Variants in IP6K3 observed in about 807,000 individuals in gnomAD.
IP6K3 encodes inositol hexakisphosphate kinase 3, also known as ATP:1D-myo-inositol-hexakisphosphate phosphotransferase.
In IP6K3, 20 loss-of-function variants were observed where a neutral mutation model predicts 28.8. The observed-to-expected ratio is 0.70, with a 90% CI of 0.49 to 1.01. The LOEUF (loss-of-function observed/expected upper bound fraction) is 1.01, where lower values mean the gene tolerates loss of function less well. Ranked by LOEUF, IP6K3 falls within the 50% of genes least tolerant of loss-of-function variation. IP6K3 has a pLI of 0.00. For missense variants in IP6K3, 480 were observed against 537.1 expected (o/e 0.89, Z 1.05); for synonymous variants, 213 against 221.3 (o/e 0.96, Z 0.33).
At chr6:33,733,405 C>A (rs1766386005) in intron 2 of IP6K3, among the ~76,000 whole-genome samples, 1 of 152,120 alleles carries the variant, frequency 6.6e-6, no homozygotes, top group Admixed American at 6.5e-5. Context: ...TGGCTCATGG[C>A]CGTTGCAGAT....
At chr6:33,761,016 G>A in the IP6K3 span, among the ~76,000 whole-genome samples, 1 of 150,698 alleles carries the variant, frequency 6.6e-6, no homozygotes, top group Non-Finnish European at 1.5e-5. Context: ...TTTTAAAAAG[G>A]ACAAAGTGTT....
In IP6K3 at chr6:33,728,092, C is replaced by T. The variant is rs1698280653; in HGVS notation, c.408G>A (p.Lys136=). 1 of 1,603,682 alleles carries T rather than the reference C, an allele frequency of 6.2e-7. No homozygotes were observed. ...ATCCTGCCCAGTGCCCTCACCTCTC[C>T]TTGGGTGAGCGTGCCAGCTGGGCAT... ...WPHAQLARSP[K]ESPAKALLRS... The change falls in exon 3 of 6, where the codon AAG becomes AAA. Residue 136 remains lysine (K), a synonymous_variant. Coordinates refer to ENST00000293756, the MANE Select transcript of IP6K3 (RefSeq NM_054111.5).
At chr6:33,733,568 A>G (rs1766396351) in intron 2 of IP6K3, among the ~76,000 whole-genome samples, 1 of 152,254 alleles carries the variant, frequency 6.6e-6, no homozygotes, top group African/African-American at 2.4e-5. Flanking sequence ...CGCCCCACAC[A>G]TGATCCTGCC....
Position 33,735,445 on chromosome 6 carries a change from TC to T in IP6K3, c.31del (p.Asp11ThrfsTer2). On this transcript the variant is annotated frameshift_variant, in exon 2 of 6. Coordinates refer to ENST00000293756, the MANE Select transcript of IP6K3 (RefSeq NM_054111.5). LOFTEE classifies it high-confidence loss of function. Reference protein sequence around the residue: MVVQNSADAGDMRAGVQLEPF... With the variant: MVVQNSADAGXMRAGVQLEPF... ...CTCCAGCTGCACGCCTGCCCTCATG[TC>T]CCCGGCGTCTGCGCTGTTTTGCACA... 6.2e-7 allele frequency: 1 copy of T among 1,611,294 alleles called. No homozygotes were observed. Among genetic ancestry groups the T allele is most frequent in the Middle Eastern group, 1.7e-4 (1 of 6,048 alleles).
At chr6:33,741,822 G>A (rs531570621) in intron 1 of IP6K3, among the ~76,000 whole-genome samples, 3 of 142,742 alleles carry the variant, frequency 2.1e-5, no homozygotes, top group Non-Finnish European at 3.1e-5. Context: ...GTGGTGACAC[G>A]TGCCTGTAAT....
intron 2 of IP6K3, among the ~76,000 whole-genome samples, chr6:33,731,911 T>C (rs1766334767): frequency 6.6e-6 from 1 of 152,040 alleles, no homozygotes. Flanking sequence ...GCCCTCCCCA[T>C]GCATCTCAAC....
intron 4 of IP6K3, among the ~76,000 whole-genome samples, chr6:33,726,253 T>C (rs1276138956): frequency 2.0e-5 from 3 of 152,140 alleles, no homozygotes. Flanking sequence ...GGTGCTCCAC[T>C]AAGGGAGGAG....
At position 33,741,312 on chromosome 6, in the gene IP6K3, C is replaced by T. The variant is rs564672759; in HGVS notation, c.-180+5446G>A. On this transcript the variant is annotated intron_variant, in intron 1 of 5. Coordinates refer to ENST00000293756, the MANE Select transcript of IP6K3 (RefSeq NM_054111.5). ...CCATCCTGCCTGATGCACTAACTCA[C>T]AGCCAGGCACCCAGTATGGAGCTCT... 3.4e-4 allele frequency among the ~76,000 whole-genome samples: 52 copies of T among 152,338 alleles called. No individual in the cohort carries two copies. In the South Asian group the frequency reaches 0.01, roughly 30 times the overall value.
In IP6K3 at chr6:33,721,956, C is replaced by T. The variant is rs1765915262; in HGVS notation, c.*764G>A. On this transcript the variant is annotated 3_prime_UTR_variant, in exon 6 of 6. Transcript: ENST00000293756. The stretch of plus-strand genomic sequence containing the variant: ...GGTCCCTTTTTATGTGCGTTCACCC[C>T]CACTGCAAGCCGCGTCTCATGGTCA... 6.6e-6 allele frequency: 1 copy of T among 152,400 alleles called. No homozygotes were observed. Among genetic ancestry groups the T allele is most frequent in the Non-Finnish European group, 1.5e-5 (1 of 68,034 alleles). The allele number at this position is 152,400 out of a possible 1,614,324, so 9.4% of individuals were successfully genotyped here. A position where few individuals can be genotyped will look rare whatever the true frequency, so the allele number is the denominator to read the frequency against.
upstream of IP6K3, among the ~76,000 whole-genome samples, chr6:33,748,585 G>A (rs4621628): frequency 7.6e-6 from 1 of 132,186 alleles, no homozygotes; most frequent in Non-Finnish European, 1.5e-5. Flanking sequence ...GCTGTGGTAA[G>A]CCATAATTGA....
Position 33,746,317 on chromosome 6 carries a change from G to C in IP6K3, c.-180+441C>G, listed in dbSNP as rs73743334. ...TGGGGCTGCTGGGCTAGGACATGCT[G>C]TTCCTGTGCCCAGGGGATGCTGCCC... On this transcript the variant is annotated intron_variant, in intron 1 of 5. Coordinates refer to ENST00000293756, the MANE Select transcript of IP6K3 (RefSeq NM_054111.5). The surrounding 1 kb of genome is among the most constrained non-coding windows in gnomAD (Gnocchi z 6.5). Among the ~76,000 whole-genome samples the C allele has an allele frequency of 0.11, 16,457 of 152,174 alleles. 1,158 individuals carry two copies. The highest frequency in any genetic ancestry group is 0.19 in the African/African-American group (8,041 of 41,488).
intron 1 of IP6K3, among the ~76,000 whole-genome samples, chr6:33,740,593 C>G (rs1766683520): frequency 6.6e-6 from 1 of 152,214 alleles, no homozygotes; most frequent in African/African-American, 2.4e-5. Context: ...AGTGGAGACA[C>G]AGGACAATAC....
intron 4 of IP6K3, among the ~76,000 whole-genome samples, chr6:33,726,218 ACCT>A (rs1407437640): frequency 6.6e-6 from 1 of 152,066 alleles, no homozygotes; most frequent in Non-Finnish European, 1.5e-5. Context: ...AGGGGGACTT[ACCT>A]CCTCCCATAG....
intron 1 of IP6K3, among the ~76,000 whole-genome samples, chr6:33,745,197 G>A (rs933173923): frequency 1.3e-5 from 2 of 152,258 alleles, no homozygotes; most frequent in African/African-American, 4.8e-5. Flanking sequence ...GTGGCTGCTA[G>A]TGAACAAGAG....
At chr6:33,762,143 T>C in the IP6K3 span, among the ~76,000 whole-genome samples, 3 of 152,136 alleles carry the variant, frequency 2.0e-5, no homozygotes, top group Admixed American at 2.0e-4. Flanking sequence ...GTGTTCAGCC[T>C]GGGGCTCCTC....
At chr6:33,730,250 C>T (rs556427752) in intron 2 of IP6K3, among the ~76,000 whole-genome samples, 5 of 152,294 alleles carry the variant, frequency 3.3e-5, no homozygotes, top group East Asian at 1.9e-4. Flanking sequence ...GGCTGGTCAG[C>T]GTGGACACTC....
the IP6K3 span, among the ~76,000 whole-genome samples, chr6:33,757,914 C>G: frequency 6.6e-6 from 1 of 152,178 alleles, no homozygotes; most frequent in African/African-American, 2.4e-5. Context: ...AAACTGGAAG[C>G]CTCACATACA....
chr6:33,745,134 C>T (rs1031711489), intron 1 of IP6K3, among the ~76,000 whole-genome samples: 18 of 152,368 alleles, frequency 1.2e-4, no homozygotes, highest in South Asian at 2.1e-4. Flanking sequence ...AGCCAGTGCA[C>T]GTGCTTTCTT....
upstream of IP6K3, among the ~76,000 whole-genome samples, chr6:33,751,754 C>T (rs1343309948): frequency 3.3e-5 from 5 of 152,180 alleles, no homozygotes; most frequent in African/African-American, 4.8e-5. The surrounding 1 kb of genome is among the most constrained non-coding windows in gnomAD (Gnocchi z 4.3). Flanking sequence ...ACTCCTAACA[C>T]GGATTCATTT....
Sources: gnomAD v4.1 joint callset for allele counts (sites outside exome capture counted in the v4.1 genomes callset) on GRCh38, gnomAD v4.1.1 for gene constraint, Gnocchi (gnomAD v3.1) non-coding constraint, MANE v1.5 for transcripts, NCBI Gene and HGNC (gene_info 2026-07-23, HGNC 2026-07-21) for gene names.